FYB1: variants seen among roughly 807,000 people sequenced by gnomAD.
FYB1 encodes the protein FYN-binding protein 1.
A neutral mutation model predicts 94.1 loss-of-function variants in FYB1; 41 were observed. The ratio of observed to expected loss-of-function variants is 0.44; its 90% confidence interval spans 0.34 to 0.57. The LOEUF is 0.57. Among genes scored for constraint, FYB1 ranks in the 20% least tolerant of loss-of-function variants. FYB1 has a pLI of 0.02. For synonymous variants in FYB1, 367 were observed against 353.2 expected (o/e 1.04, Z -0.44); for missense variants, 1,050 against 976.8 (o/e 1.07, Z -1.00).
chr5:39,215,214 T>C (rs1749750385), intron 1 of FYB1, among the ~76,000 whole-genome samples: 1 of 152,094 alleles, frequency 6.6e-6, no homozygotes. Context: ...AATTAAAAAT[T>C]CAATAAGAAT....
chr5:39,158,096 G>A (rs1205652942), intron 2 of FYB1, among the ~76,000 whole-genome samples: 1 of 152,220 alleles, frequency 6.6e-6, no homozygotes, highest in Admixed American at 6.5e-5. Context: ...AGCAGTTACA[G>A]AAAAATGGGG....
At chr5:39,198,909 G>A (rs958279429) in intron 2 of FYB1, among the ~76,000 whole-genome samples, 17 of 151,712 alleles carry the variant, frequency 1.1e-4, no homozygotes, top group Admixed American at 2.6e-4. Flanking sequence ...ATACATACAG[G>A]GGCACGATGG....
At chr5:39,110,153 C>A (rs189575217) in intron 17 of FYB1, among the ~76,000 whole-genome samples, 22 of 152,118 alleles carry the variant, frequency 1.4e-4, no homozygotes, top group African/African-American at 4.8e-4. Context: ...AAGGGCTCCT[C>A]GCCTATTTAA....
chr5:39,198,497 A>G (rs2150484171), intron 2 of FYB1, among the ~76,000 whole-genome samples: 1 of 152,354 alleles, frequency 6.6e-6, no homozygotes, highest in South Asian at 2.1e-4. Flanking sequence ...CATATTAGTA[A>G]TAATATGTAT....
intron 1 of FYB1, among the ~76,000 whole-genome samples, chr5:39,241,711 A>G (rs1464051878): frequency 6.6e-6 from 1 of 152,172 alleles, no homozygotes; most frequent in Non-Finnish European, 1.5e-5. Flanking sequence ...GCCATGCACA[A>G]TGCTACATAT....
At chr5:39,116,216 G>A (rs557263866) in intron 16 of FYB1, among the ~76,000 whole-genome samples, 4 of 152,170 alleles carry the variant, frequency 2.6e-5, no homozygotes, top group African/African-American at 7.2e-5. Context: ...TCACTTTATG[G>A]GGAAGCCAAA....
At chr5:39,227,333 AATT>A (rs1183465001) in intron 1 of FYB1, among the ~76,000 whole-genome samples, 1 of 152,200 alleles carries the variant, frequency 6.6e-6, no homozygotes, top group East Asian at 1.9e-4. Context: ...AATGTTATGA[AATT>A]ATTATTTTTC....
chr5:39,146,142 TA>T (rs1381446136), intron 3 of FYB1, among the ~76,000 whole-genome samples: 1 of 152,000 alleles, frequency 6.6e-6, no homozygotes, highest in East Asian at 1.9e-4. Context: ...CTTGAACTCC[TA>T]ACCTCAGGTG....
At chr5:39,274,319 C>G (rs1752735767) in intron 1 of FYB1, 1 of 152,170 alleles carries the variant, frequency 6.6e-6, no homozygotes, top group Non-Finnish European at 1.5e-5. Context: ...ATACAAGAAA[C>G]AAGTAGCCAT....
intron 16 of FYB1, among the ~76,000 whole-genome samples, chr5:39,114,441 T>C (rs1739347644): frequency 6.6e-6 from 1 of 152,218 alleles, no homozygotes. Context: ...GGATTGTTGT[T>C]CTTGCTTTAG....
intron 1 of FYB1, among the ~76,000 whole-genome samples, chr5:39,262,723 C>T (rs1752274527): frequency 6.6e-6 from 1 of 151,828 alleles, no homozygotes; most frequent in African/African-American, 2.4e-5. Context: ...AATTACACAG[C>T]AATTCAATAG....
rs1295874961 is a variant in FYB1 at position 39,170,262 on chromosome 5, T to G, written c.1136-16658A>C. The G allele has an allele frequency of 6.3e-6, 8 of 1,269,170 alleles. No homozygotes were observed. In the Admixed American group the frequency reaches 1.8e-4, roughly 28 times the overall value. The allele number at this position is 1,269,170 out of a possible 1,614,324, so 78.6% of individuals were successfully genotyped here. On this transcript the variant is annotated intron_variant, in intron 2 of 18. Coordinates refer to ENST00000512982, the MANE Select transcript of FYB1 (RefSeq NM_001465.6). ...TGGTGGTGTCTTTCCTACTGAGAGC[T>G]GTTGCAGCCCCTTGATCAACTCAGT...
chr5:39,133,173 TG>T (rs1741354837), intron 9 of FYB1, among the ~76,000 whole-genome samples: 1 of 152,220 alleles, frequency 6.6e-6, no homozygotes, highest in Non-Finnish European at 1.5e-5. Context: ...ATTACTAATT[TG>T]GTGTTTTAGA....
intron 2 of FYB1, among the ~76,000 whole-genome samples, chr5:39,198,769 T>G (rs1175173637): frequency 1.3e-5 from 2 of 152,140 alleles, no homozygotes; most frequent in African/African-American, 4.8e-5. Context: ...TAAACGTGTT[T>G]TCAGTTTATA....
chr5:39,192,683 G>T (rs1218035455), intron 2 of FYB1, among the ~76,000 whole-genome samples: 2 of 152,184 alleles, frequency 1.3e-5, no homozygotes, highest in African/African-American at 4.8e-5. Context: ...TTAAAGCAGG[G>T]TGAGGATAAC....
chr5:39,122,108 G>A (rs1740173274), intron 14 of FYB1, among the ~76,000 whole-genome samples: 1 of 151,980 alleles, frequency 6.6e-6, no homozygotes, highest in African/African-American at 2.4e-5. Context: ...GGAAGAGAAT[G>A]AGGGGAGGAA....
intron 1 of FYB1, among the ~76,000 whole-genome samples, chr5:39,205,126 A>C (rs544974367): frequency 2.0e-5 from 3 of 152,244 alleles, no homozygotes; most frequent in African/African-American, 7.2e-5. Context: ...CCAAGAACAA[A>C]AATTTGCCCC....
intron 1 of FYB1, among the ~76,000 whole-genome samples, chr5:39,227,064 G>GT (rs1219964771): frequency 6.6e-6 from 1 of 152,318 alleles, no homozygotes; most frequent in East Asian, 1.9e-4. Context: ...CTTCAGACCT[G>GT]TTTTTGTTGC....
At chr5:39,116,726 C>G (rs1313042737) in intron 16 of FYB1, among the ~76,000 whole-genome samples, 1 of 152,000 alleles carries the variant, frequency 6.6e-6, no homozygotes, top group Non-Finnish European at 1.5e-5. Flanking sequence ...ATCCTTGTTA[C>G]TCAGGATATG....
Sources: gnomAD v4.1 joint callset for allele counts (sites outside exome capture counted in the v4.1 genomes callset) on GRCh38, gnomAD v4.1.1 for gene constraint, MANE v1.5 for transcripts, NCBI Gene and HGNC (gene_info 2026-07-23, HGNC 2026-07-21) for gene names.